The following NEUROD2 variants were observed in gnomAD, a reference collection of about 807,000 sequenced individuals.
The protein encoded by NEUROD2 is neuronal differentiation 2.
A neutral mutation model predicts 9.3 loss-of-function variants in NEUROD2; 5 were observed. The ratio of observed to expected loss-of-function variants is 0.54; its 90% CI spans 0.28 to 1.13. The LOEUF is 1.13. Ranked by LOEUF, NEUROD2 falls within the 50% of genes most tolerant of loss-of-function variation. The pLI is 0.10. For synonymous variants in NEUROD2, 277 were observed against 257.3 expected, an observed-to-expected ratio of 1.08 and a Z score of -0.73; for missense variants, 376 against 549.2, an observed-to-expected ratio of 0.68 and a Z score of 3.15.
intron 1 of NEUROD2, 95 bp downstream of exon 1, chr17:39,607,633 A>G (rs1333618950): frequency 1.0e-6 from 1 of 984,872 alleles, no homozygotes; most frequent in Non-Finnish European, 1.2e-6. Context: ...GCATCATCCC[A>G]GGAAGGAGGT....
Position 39,606,910 on chromosome 17 carries a change from GGGGGT to G in NEUROD2, c.-5-311_-5-307del. 3.1e-6 allele frequency: 1 copy of G among 318,060 alleles called. No individual in the cohort carries two copies. The highest frequency in any genetic ancestry group is 5.7e-6 in the Non-Finnish European group (1 of 174,872). 19.7% of individuals were successfully genotyped at this position (318,060 alleles called of 1,614,324 possible). A position where few individuals can be genotyped will look rare whatever the true frequency, so the allele number is the denominator to read the frequency against. On this transcript the variant is annotated intron_variant, in intron 1 of 1. Transcript: ENST00000302584. The surrounding 1 kb of genome is among the most constrained non-coding windows in gnomAD (Gnocchi z 7.8). ...CTCAGGGTCAGGGCAGGGACCGGGT[GGGGGT>G]TTTAGGGACCAGATATCTTTGCCAG...
In NEUROD2 at chr17:39,605,229, C is replaced by G. The variant is rs380373; in HGVS notation, c.*222G>C. ...CTCCTTGGGAGAGAGGAGGAGGGAA[C>G]CCCTTGGGGAGAGAGAAGGCGAGTC... On this transcript the variant is annotated 3_prime_UTR_variant, in exon 2 of 2. Transcript: ENST00000302584. The surrounding 1 kb of genome is among the most constrained non-coding windows in gnomAD (Gnocchi z 6.8). 1 of 503,956 alleles carries G rather than the reference C, an allele frequency of 2.0e-6. No homozygotes were observed. The highest frequency in any genetic ancestry group is 3.4e-6 in the Non-Finnish European group (1 of 293,438). The allele number at this position is 503,956 out of a possible 1,614,324, so 31.2% of individuals were successfully genotyped here. A position where few individuals can be genotyped will look rare whatever the true frequency, so the allele number is the denominator to read the frequency against.
chr17:39,607,516 C>G (rs562273385), intron 1 of NEUROD2: 339 of 720,516 alleles, frequency 4.7e-4, no homozygotes, highest in Middle Eastern at 7.2e-4. Flanking sequence ...CCTTCCCCCC[C>G]CACCGAGCCC....
rs1324526259 is a variant in NEUROD2 at position 39,604,723 on chromosome 17, G to A, written c.*728C>T. 7.5e-6 allele frequency: 1 copy of A among 133,128 alleles called. No homozygotes were observed. The highest frequency in any genetic ancestry group is 1.6e-5 in the Non-Finnish European group (1 of 64,408). 8.2% of individuals were successfully genotyped at this position (133,128 alleles called of 1,614,324 possible). The stretch of plus-strand genomic sequence containing the variant: ...CCTTACTGCGTTTTCTCTCCGATCC[G>A]GACTCTGCGTTCGGCTTCCGTCGCC... On this transcript the variant is annotated 3_prime_UTR_variant, in exon 2 of 2. Transcript: ENST00000302584.
rs1170821906 is a variant in NEUROD2, at chr17:39,605,556, A to G, written c.1044T>C (p.Ala348=). ...TCTCCGAGTGGACGCCCCCGCGCAC[A>G]GCCGACGAGCCGAAGACTAGCCCGT... ...TGHGLVFGSS[A]VRGGVHSENL... is the part of the protein sequence containing the mutation. Residue 348 remains alanine, a synonymous_variant, in exon 2 of 2, where the codon GCT becomes GCC. Transcript: ENST00000302584. This position sits in a 1 kb window ranked among gnomAD's most constrained non-coding sequence, Gnocchi z 6.8. The G allele has an allele frequency of 6.2e-7, 1 of 1,613,550 alleles. No individual in the cohort carries two copies. The highest frequency in any genetic ancestry group is 8.5e-7 in the Non-Finnish European group (1 of 1,179,848).
Position 39,605,174 on chromosome 17 carries a change from A to G in NEUROD2, c.*277T>C, listed in dbSNP as rs1354140037. On this transcript the variant is annotated 3_prime_UTR_variant, in exon 2 of 2. Transcript: ENST00000302584. This position sits in a 1 kb window ranked among gnomAD's most constrained non-coding sequence, Gnocchi z 6.8. The stretch of plus-strand genomic sequence containing the variant: ...GAATGGGGGAGGGGTGCCTCCAGGG[A>G]GCCCCCGGAGAGAGGTCCCTGGAGA... The G allele has an allele frequency of 3.0e-6, 1 of 337,724 alleles. No individual in the cohort carries two copies. Among genetic ancestry groups the G allele is most frequent in the Non-Finnish European group, 5.4e-6 (1 of 186,564 alleles). The allele number at this position is 337,724 out of a possible 1,614,324, so 20.9% of individuals were successfully genotyped here.
rs1222734220 is a variant in NEUROD2 at position 39,604,377 on chromosome 17, TA to T, written c.*1073del. On this transcript the variant is annotated 3_prime_UTR_variant, in exon 2 of 2. Transcript: ENST00000302584. Reference sequence around the variant, plus strand: ...CCATACAAATTTGGAAACAGGTTTTTAAAAAACAGCATGACGCACAACGGGG... The same window carrying T: ...CCATACAAATTTGGAAACAGGTTTTTAAAAACAGCATGACGCACAACGGGG... 6.6e-6 allele frequency: 1 copy of T among 152,208 alleles called. No homozygotes were observed. Among genetic ancestry groups the T allele is most frequent in the Non-Finnish European group, 1.5e-5 (1 of 67,950 alleles). The allele number at this position is 152,208 out of a possible 1,614,324, so 9.4% of individuals were successfully genotyped here.
Position 39,605,827 on chromosome 17 carries a change from C to G in NEUROD2, c.773G>C (p.Gly258Ala). Residue 258 changes from glycine (G) to alanine (A), a missense_variant, in exon 2 of 2, where the codon GGC becomes GCC. Coordinates refer to ENST00000302584, the MANE Select transcript of NEUROD2 (RefSeq NM_006160.4). This position sits in a 1 kb window ranked among gnomAD's most constrained non-coding sequence, Gnocchi z 6.8. Reference protein sequence around the residue: ...GAQCQAAGGLGGGAAHALRTH... With the variant: ...GAQCQAAGGLAGGAAHALRTH... ...CCGCAGGGCGTGCGCCGCGCCGCCG[C>G]CCAGGCCGCCGGCCGCCTGGCACTG... 7.3e-7 allele frequency: 1 copy of G among 1,368,544 alleles called. No homozygotes were observed. Among genetic ancestry groups the G allele is most frequent in the Non-Finnish European group, 9.4e-7 (1 of 1,067,376 alleles). 84.8% of individuals were successfully genotyped at this position (1,368,544 alleles called of 1,614,324 possible).
Position 39,606,902 on chromosome 17 carries a change from G to C in NEUROD2, c.-5-298C>G. On this transcript the variant is annotated intron_variant, in intron 1 of 1. Transcript: ENST00000302584. The surrounding 1 kb of genome is among the most constrained non-coding windows in gnomAD (Gnocchi z 7.8). Reference sequence around the variant, plus strand: ...TGCTTCTTCTCAGGGTCAGGGCAGGGACCGGGTGGGGGTTTTAGGGACCAG... The same window carrying C: ...TGCTTCTTCTCAGGGTCAGGGCAGGCACCGGGTGGGGGTTTTAGGGACCAG... 1 of 362,016 alleles carries C rather than the reference G, an allele frequency of 2.8e-6. No homozygotes were observed. The highest frequency in any genetic ancestry group is 4.9e-5 in the Admixed American group (1 of 20,604). The allele number at this position is 362,016 out of a possible 1,614,324, so 22.4% of individuals were successfully genotyped here. A position where few individuals can be genotyped will look rare whatever the true frequency, so the allele number is the denominator to read the frequency against.
rs747442796 is a variant in NEUROD2 at position 39,606,536 on chromosome 17, C to G, written c.64G>C (p.Gly22Arg). ...LSDVPKFASW[G>R]DGEDDEPRSD... is the part of the protein sequence containing the mutation. ...CTCGGCTCGTCGTCTTCGCCGTCGC[C>G]CCAGCTGGCGAACTTGGGCACGTCC... Residue 22 changes from glycine (G) to arginine (R), a missense_variant, in exon 2 of 2, where the codon GGC becomes CGC. Around this residue, in one of 3 missense-constraint regions of NEUROD2, gnomAD observed 134 missense variants for 133.6 expected, o/e 1.00. Coordinates refer to ENST00000302584, the MANE Select transcript of NEUROD2 (RefSeq NM_006160.4). The surrounding 1 kb of genome is among the most constrained non-coding windows in gnomAD (Gnocchi z 7.8). 3 of 1,578,942 alleles carry G rather than the reference C, an allele frequency of 1.9e-6. No individual in the cohort carries two copies. The African/African-American group carries it at 4.1e-5, about 22-fold the overall frequency.
Position 39,604,459 on chromosome 17 carries a change from T to C in NEUROD2, c.*992A>G, listed in dbSNP as rs2144810118. On this transcript the variant is annotated 3_prime_UTR_variant, in exon 2 of 2. Coordinates refer to ENST00000302584, the MANE Select transcript of NEUROD2 (RefSeq NM_006160.4). Reference sequence around the variant, plus strand: ...CCCCAAATCTCCGAGTCACTGATTGTAAGAACCTGGGGAGGGGGAGGGGGC... The same window carrying C: ...CCCCAAATCTCCGAGTCACTGATTGCAAGAACCTGGGGAGGGGGAGGGGGC... The C allele has an allele frequency of 6.7e-6, 1 of 148,512 alleles. No individual in the cohort carries two copies. Among genetic ancestry groups the C allele is most frequent in the African/African-American group, 2.5e-5 (1 of 40,084 alleles). The allele number at this position is 148,512 out of a possible 1,614,324, so 9.2% of individuals were successfully genotyped here.
intron 1 of NEUROD2, chr17:39,607,423 G>C (rs1376080023): frequency 5.8e-6 from 1 of 173,138 alleles, no homozygotes; most frequent in Non-Finnish European, 1.1e-5. Flanking sequence ...TTTCGGTGGT[G>C]GGGAAAGGTG....
At position 39,604,205 on chromosome 17, in the gene NEUROD2, T is replaced by C. The variant is rs2056756219; in HGVS notation, c.*1246A>G. On this transcript the variant is annotated 3_prime_UTR_variant, in exon 2 of 2. Transcript: ENST00000302584. ...CCCCTCACCCCAGGAGGGGACAGAA[T>C]GGCCGCGGGGAGGAGGAGCCGGCGA... 6.6e-6 allele frequency: 1 copy of C among 152,428 alleles called. No homozygotes were observed. Among genetic ancestry groups the C allele is most frequent in the African/African-American group, 2.4e-5 (1 of 41,296 alleles). 9.4% of individuals were successfully genotyped at this position (152,428 alleles called of 1,614,324 possible).
Position 39,605,763 on chromosome 17 carries a change from C to G in NEUROD2, c.837G>C (p.Ala279=), listed in dbSNP as rs1234662584. Residue 279 remains alanine (A), a synonymous_variant, in exon 2 of 2, where the codon GCG becomes GCC. Transcript: ENST00000302584. This position sits in a 1 kb window ranked among gnomAD's most constrained non-coding sequence, Gnocchi z 6.8. Reference sequence around the variant, plus strand: ...GGCTCGCGCCGCCACCGCCTGCCGCCGCATACAGCGTCTCGTAGGCGGCGC... The same window carrying G: ...GGCTCGCGCCGCCACCGCCTGCCGCGGCATACAGCGTCTCGTAGGCGGCGC... ...GYCAAYETLY[A]AAGGGGASPD... is the part of the protein sequence containing the mutation. 1.4e-6 allele frequency: 2 copies of G among 1,477,846 alleles called. No homozygotes were observed. Among genetic ancestry groups the G allele is most frequent in the African/African-American group, 2.9e-5 (2 of 68,374 alleles). 91.5% of individuals were successfully genotyped at this position (1,477,846 alleles called of 1,614,324 possible).
intron 1 of NEUROD2, chr17:39,607,094 C>G (rs868413785): frequency 6.5e-6 from 1 of 153,722 alleles, no homozygotes; most frequent in African/African-American, 2.4e-5. Flanking sequence ...CTCACCCCCA[C>G]GCTCCCTAAT....
At position 39,606,714 on chromosome 17, in the gene NEUROD2, G is replaced by T; in HGVS notation, c.-5-110C>A. The stretch of plus-strand genomic sequence containing the variant: ...TCCTCCACCCCCGAGTCTCGTGCGG[G>T]CTCCTGCCTAGGCTACCCTGGATGC... On this transcript the variant is annotated intron_variant, in intron 1 of 1. Coordinates refer to ENST00000302584, the MANE Select transcript of NEUROD2 (RefSeq NM_006160.4). The surrounding 1 kb of genome is among the most constrained non-coding windows in gnomAD (Gnocchi z 7.8). 8.3e-7 allele frequency: 1 copy of T among 1,208,188 alleles called. No individual in the cohort carries two copies. 74.8% of individuals were successfully genotyped at this position (1,208,188 alleles called of 1,614,324 possible). A position where few individuals can be genotyped will look rare whatever the true frequency, so the allele number is the denominator to read the frequency against.
In NEUROD2 at chr17:39,605,897, C is replaced by A; in HGVS notation, c.703G>T (p.Ala235Ser). 3 of 1,603,556 alleles carry A rather than the reference C, an allele frequency of 1.9e-6. No individual in the cohort carries two copies. The highest frequency in any genetic ancestry group is 1.7e-4 in the Middle Eastern group (1 of 5,932). Residue 235 changes from alanine to serine, a missense_variant, in exon 2 of 2, where the codon GCC becomes TCC. Ala to Ser is a moderately conservative substitution (Grantham distance 99). Around this residue, in one of 3 missense-constraint regions of NEUROD2, gnomAD observed 193 missense variants for 255.8 expected, o/e 0.75. Coordinates refer to ENST00000302584, the MANE Select transcript of NEUROD2 (RefSeq NM_006160.4). This position sits in a 1 kb window ranked among gnomAD's most constrained non-coding sequence, Gnocchi z 6.8. Reference sequence around the variant, plus strand: ...CACGGGTACGGGTAGGGGTGCATGGCGAACGGGCCGCCCGAGCCGTGGAAG... The same window carrying A: ...CACGGGTACGGGTAGGGGTGCATGGAGAACGGGCCGCCCGAGCCGTGGAAG... Reference protein sequence around the residue: ...GRFHGSGGPFAMHPYPYPCSR... With the variant: ...GRFHGSGGPFSMHPYPYPCSR...
intron 1 of NEUROD2, 54 bp downstream of exon 1, chr17:39,607,674 C>T (rs755045654): frequency 1.0e-6 from 1 of 984,972 alleles, no homozygotes; most frequent in African/African-American, 1.7e-5. Flanking sequence ...GCCGAAGCTG[C>T]CGCCCCTCCT....
chr17:39,605,940 G>A lies in NEUROD2; in HGVS notation c.660C>T (p.Gly220=). 1 of 1,612,350 alleles carries A rather than the reference G, an allele frequency of 6.2e-7. No individual in the cohort carries two copies. The highest frequency in any genetic ancestry group is 2.2e-5 in the East Asian group (1 of 44,836). ...LNSRNFLTEQ[G]ADGAGRFHGS... is the part of the protein sequence containing the mutation. The stretch of plus-strand genomic sequence containing the variant: ...CGTGGAAGCGGCCGGCACCGTCGGC[G>A]CCTTGCTCCGTGAGGAAGTTGCGAG... The change falls in exon 2 of 2, where the codon GGC becomes GGT. Residue 220 remains glycine, a synonymous_variant. Coordinates refer to ENST00000302584, the MANE Select transcript of NEUROD2 (RefSeq NM_006160.4). The surrounding 1 kb of genome is among the most constrained non-coding windows in gnomAD (Gnocchi z 6.8).
Sources: allele counts gnomAD v4.1 joint callset, GRCh38; gene constraint gnomAD v4.1.1; regional missense constraint gnomAD v4.1.1; non-coding constraint Gnocchi (gnomAD v3.1); transcripts MANE v1.5; gene names NCBI Gene and HGNC (gene_info 2026-07-23, HGNC 2026-07-21).